The following DNAH10 variants were observed in gnomAD, a reference collection of about 807,000 sequenced individuals.
DNAH10 encodes axonemal beta dynein heavy chain 10.
A neutral mutation model predicts 506.6 loss-of-function variants in DNAH10; 348 were observed. The observed-to-expected ratio is 0.69, with a 90% CI of 0.63 to 0.75. DNAH10 has a LOEUF of 0.75. DNAH10 is among the 30% of genes least tolerant of loss of function. The pLI is 0.00. For missense variants in DNAH10, 5,179 were observed against 5,787.1 expected (o/e 0.89, Z 3.41); for synonymous variants, 2,059 against 2,198.6 (o/e 0.94, Z 1.78).
intron 36 of DNAH10, among the ~76,000 whole-genome samples, chr12:123,854,295 AT>A (rs1677418854): frequency 6.6e-6 from 1 of 152,094 alleles, no homozygotes; most frequent in Admixed American, 6.5e-5. Context: ...AGTGGGTCAT[AT>A]CTTCTGAACT....
At chr12:123,806,511 A>G (rs1047415084) in intron 18 of DNAH10, among the ~76,000 whole-genome samples, 4 of 152,128 alleles carry the variant, frequency 2.6e-5, no homozygotes, top group Admixed American at 2.0e-4. Flanking sequence ...TGATTTTAGG[A>G]TCTCTTACTG....
chr12:123,886,817 C>T (rs1343840302), intron 51 of DNAH10, among the ~76,000 whole-genome samples: 1 of 152,184 alleles, frequency 6.6e-6, no homozygotes, highest in Non-Finnish European at 1.5e-5. Context: ...ACATTGATTT[C>T]CTGTCACGAA....
In DNAH10 at chr12:123,916,517, A is replaced by T; in HGVS notation, c.10783A>T (p.Thr3595Ser). The stretch of plus-strand genomic sequence containing the variant: ...GCTAGAGATGTCCATAAAGTACGGG[A>T]CCCCTTTCCTGTTCCGCGATGTTGA... ...KQLEMSIKYG[T>S]PFLFRDVDEY... The change falls in exon 63 of 79, where the codon ACC becomes TCC. Residue 3595 changes from threonine (T) to serine (S), a missense_variant. Physicochemically the swap from Thr to Ser is moderately conservative, Grantham distance 58. This residue lies in a region of DNAH10 where 4,844 missense variants were observed against 5,430.5 expected (regional missense o/e 0.89). Coordinates refer to ENST00000673944, the MANE Select transcript of DNAH10 (RefSeq NM_001372106.1). This position sits in a 1 kb window ranked among gnomAD's most constrained non-coding sequence, Gnocchi z 4.6. 1 of 1,613,616 alleles carries T rather than the reference A, an allele frequency of 6.2e-7. No individual in the cohort carries two copies.
In DNAH10 at chr12:123,769,927, T is replaced by TTG. The variant is rs1339666975; in HGVS notation, c.299-1673_299-1672insGT. On this transcript the variant is annotated intron_variant, in intron 2 of 78. Transcript: ENST00000673944. ...TGCCACCATGCCTGGCTAAGGTTTT[T>TTG]TTTTTTTTTTTTAACTTAAATTTAA... Among the ~76,000 whole-genome samples, 92 of 150,794 alleles carry TTG rather than the reference T, an allele frequency of 6.1e-4. 2 individuals carry two copies. Among genetic ancestry groups the TTG allele is most frequent in the African/African-American group, 2.1e-3 (88 of 41,050 alleles).
chr12:123,887,814 GGCTC>G (rs1952806907), intron 52 of DNAH10, among the ~76,000 whole-genome samples: 1 of 151,068 alleles, frequency 6.6e-6, no homozygotes, highest in Admixed American at 6.6e-5. Flanking sequence ...GCGTGATCTT[GGCTC>G]ACTGCAAGCT....
intron 46 of DNAH10, 53 bp downstream of exon 46, chr12:123,873,763 T>G: frequency 6.5e-7 from 1 of 1,535,412 alleles, no homozygotes; most frequent in Non-Finnish European, 8.8e-7. Flanking sequence ...TGCTTGTGTT[T>G]GCATGGGTGT....
intron 46 of DNAH10, 119 bp from the exon 47 acceptor site, chr12:123,875,112 C>T (rs980009877): frequency 8.5e-7 from 1 of 1,180,548 alleles, no homozygotes; most frequent in Non-Finnish European, 1.2e-6. Context: ...GAAACTGAAA[C>T]CGAGGTGCCC....
At chr12:123,893,196 G>C in intron 52 of DNAH10, 37 bp from the exon 53 acceptor site, 1 of 1,600,328 alleles carries the variant, frequency 6.2e-7, no homozygotes, top group Non-Finnish European at 8.5e-7. Flanking sequence ...ATGACCCTGG[G>C]ACTCAGAGAG....
chr12:123,892,978 C>T (rs753797403), intron 52 of DNAH10, among the ~76,000 whole-genome samples: 1 of 152,240 alleles, frequency 6.6e-6, no homozygotes, highest in Non-Finnish European at 1.5e-5. Context: ...GCTCTGCATG[C>T]TCCCTGTGAT....
At chr12:123,892,975 A>T (rs145638656) in intron 52 of DNAH10, among the ~76,000 whole-genome samples, 2 of 152,210 alleles carry the variant, frequency 1.3e-5, no homozygotes, top group Non-Finnish European at 2.9e-5. Context: ...CATGCTCTGC[A>T]TGCTCCCTGT....
chr12:123,839,867 A>C (rs1188464526), intron 29 of DNAH10, among the ~76,000 whole-genome samples: 1 of 152,058 alleles, frequency 6.6e-6, no homozygotes, highest in African/African-American at 2.4e-5. Context: ...ACACTTTTTA[A>C]ATAAATGTAT....
intron 76 of DNAH10, 133 bp downstream of exon 76, chr12:123,932,241 GT>G: frequency 9.1e-7 from 1 of 1,104,412 alleles, no homozygotes; most frequent in South Asian, 1.6e-5. Context: ...TCTGGAAATG[GT>G]CTGAGATTCT....
At chr12:123,782,989 G>A (rs1260176700) in intron 6 of DNAH10, 118 bp from the exon 7 acceptor site, 4 of 818,434 alleles carry the variant, frequency 4.9e-6, no homozygotes, top group East Asian at 2.6e-5. Flanking sequence ...CAGGGGATGC[G>A]TCAGACCTTA....
At position 123,935,484 on chromosome 12, in the gene DNAH10, T is replaced by C. The variant is rs754308880; in HGVS notation, c.*3T>C. The C allele has an allele frequency of 7.6e-6, 12 of 1,576,642 alleles. No individual in the cohort carries two copies. The highest frequency in any genetic ancestry group is 8.7e-6 in the Non-Finnish European group (10 of 1,149,938). ...GCCTCACCCTGAATTCTGATTAACC[T>C]TTGGGTGAAGAAAACTGCTTAATGA... On this transcript the variant is annotated 3_prime_UTR_variant, in exon 79 of 79. Coordinates refer to ENST00000673944, the MANE Select transcript of DNAH10 (RefSeq NM_001372106.1).
At position 123,902,377 on chromosome 12, in the gene DNAH10, C is replaced by T. The variant is rs1176497502; in HGVS notation, c.9641-562C>T. On this transcript the variant is annotated intron_variant, in intron 56 of 78. Transcript: ENST00000673944. The surrounding 1 kb of genome is among the most constrained non-coding windows in gnomAD (Gnocchi z 4.5). The stretch of plus-strand genomic sequence containing the variant: ...CTCTAGGTTTTGGGGTTCCGGCCCT[C>T]GGGGAGGTGCTGACATCCTAGTGAG... 1.3e-5 allele frequency among the ~76,000 whole-genome samples: 2 copies of T among 152,162 alleles called. No individual in the cohort carries two copies. Among genetic ancestry groups the T allele is most frequent in the Admixed American group, 6.6e-5 (1 of 15,264 alleles).
At chr12:123,796,609 AC>A in intron 12 of DNAH10, 46 bp from the exon 13 acceptor site, 1 of 1,516,508 alleles carries the variant, frequency 6.6e-7, no homozygotes. Flanking sequence ...TTCTTGGCTA[AC>A]CTGGCGATGT....
intron 59 of DNAH10, among the ~76,000 whole-genome samples, chr12:123,911,072 T>A (rs1434973083): frequency 6.7e-6 from 1 of 149,624 alleles, no homozygotes; most frequent in Non-Finnish European, 1.5e-5. Context: ...TAGCCGAGCA[T>A]GGTGGCACAC....
In DNAH10 at chr12:123,929,304, A is replaced by G; in HGVS notation, c.12336A>G (p.Lys4112=). 6.2e-7 allele frequency: 1 copy of G among 1,602,710 alleles called. No homozygotes were observed. The highest frequency in any genetic ancestry group is 2.2e-5 in the East Asian group (1 of 44,464). Residue 4112 remains lysine, a synonymous_variant, in exon 71 of 79, where the codon AAA becomes AAG. Coordinates refer to ENST00000673944, the MANE Select transcript of DNAH10 (RefSeq NM_001372106.1). ...KVVTEPPNGL[K]LNMRATYFKI... ...TCACCGAGCCACCCAATGGGCTGAA[A>G]CTCAACATGAGGGCAACTTACTTCA...
rs745440384 is a variant in DNAH10, at chr12:123,818,985, T to G, written c.3816T>G (p.Ile1272Met). 24 of 1,607,388 alleles carry G rather than the reference T, an allele frequency of 1.5e-5. No individual in the cohort carries two copies. Among genetic ancestry groups the G allele is most frequent in the Non-Finnish European group, 1.3e-5 (15 of 1,176,830 alleles). Residue 1272 changes from isoleucine to methionine, a missense_variant, in exon 22 of 79, where the codon ATT (isoleucine) becomes ATG (methionine). By Grantham distance (10) the Ile-to-Met change is conservative. Coordinates refer to ENST00000673944, the MANE Select transcript of DNAH10 (RefSeq NM_001372106.1). ...PDAEKELVDK[I>M]ESIWSNLFND... ...CAGAGAAAGAACTGGTTGATAAGATTGAGAGCATATGGTCCAATCTGTTTA... is the reference window on the plus strand; with the variant it reads ...CAGAGAAAGAACTGGTTGATAAGATGGAGAGCATATGGTCCAATCTGTTTA...
Sources: allele counts gnomAD v4.1 joint callset (sites outside exome capture counted in the v4.1 genomes callset), GRCh38; gene constraint gnomAD v4.1.1; regional missense constraint gnomAD v4.1.1; non-coding constraint Gnocchi (gnomAD v3.1); transcripts MANE v1.5; gene names NCBI Gene and HGNC (gene_info 2026-07-23, HGNC 2026-07-21).